Variants in PRELID2 observed in about 807,000 individuals in gnomAD.
PRELID2 encodes PRELI domain-containing protein 2.
PRELID2 carries 25 observed loss-of-function variants against 28.4 expected under a neutral mutation model. The observed-to-expected ratio is 0.88, with a 90% CI of 0.64 to 1.23. The LOEUF is 1.23. Ranked by LOEUF, PRELID2 falls within the 50% of genes most tolerant of loss-of-function variation. The pLI is 0.00. For synonymous variants in PRELID2, 76 were observed against 71.6 expected (o/e 1.06, Z -0.31); for missense variants, 201 against 214.4 (o/e 0.94, Z 0.39).
chr5:145,305,855 C>A, the PRELID2 span, among the ~76,000 whole-genome samples: 1 of 152,198 alleles, frequency 6.6e-6, no homozygotes, highest in Non-Finnish European at 1.5e-5. Flanking sequence ...AAATGCTTCC[C>A]CACATCTCTT....
intron 1 of PRELID2, among the ~76,000 whole-genome samples, chr5:145,688,424 C>T (rs901929737): frequency 3.3e-5 from 5 of 152,152 alleles, no homozygotes; most frequent in South Asian, 2.1e-4. Context: ...AGGAAGTCCT[C>T]GTCAAATATT....
chr5:145,233,686 C>G, the PRELID2 span, among the ~76,000 whole-genome samples: 1 of 152,184 alleles, frequency 6.6e-6, no homozygotes, highest in Admixed American at 6.5e-5. Flanking sequence ...ATTCAGGCCA[C>G]AGCTACCTGT....
At chr5:145,772,461 T>A (rs955048953) in intron 5 of PRELID2, among the ~76,000 whole-genome samples, 3 of 152,180 alleles carry the variant, frequency 2.0e-5, no homozygotes, top group Non-Finnish European at 2.9e-5. Context: ...TTTATTTGGT[T>A]TACAGTGCTG....
chr5:145,436,268 T>C, the PRELID2 span, among the ~76,000 whole-genome samples: 1 of 152,166 alleles, frequency 6.6e-6, no homozygotes, highest in Non-Finnish European at 1.5e-5. Context: ...CATGATCTTA[T>C]TGTTATTTAT....
chr5:145,369,679 T>C, the PRELID2 span, among the ~76,000 whole-genome samples: 4 of 152,118 alleles, frequency 2.6e-5, no homozygotes, highest in South Asian at 8.3e-4. Flanking sequence ...TGATTCTAGA[T>C]CCTTGAGGAA....
intron 1 of PRELID2, among the ~76,000 whole-genome samples, chr5:145,681,771 T>A (rs1754940813): frequency 1.3e-5 from 2 of 152,152 alleles, no homozygotes. Context: ...CCAGTAGCAA[T>A]AGTGCATCCA....
At chr5:145,289,193 G>T in the PRELID2 span, among the ~76,000 whole-genome samples, 360 of 151,826 alleles carry the variant, frequency 2.4e-3, 1 homozygote, top group African/African-American at 8.5e-3. Flanking sequence ...AAGTCCTATG[G>T]GTTTTAACAA....
At chr5:145,775,503 C>G (rs1758355631) in intron 5 of PRELID2, among the ~76,000 whole-genome samples, 1 of 152,148 alleles carries the variant, frequency 6.6e-6, no homozygotes, top group African/African-American at 2.4e-5. Context: ...AGCACCTCCC[C>G]ATGTATGCAA....
chr5:145,432,267 CT>C, the PRELID2 span, among the ~76,000 whole-genome samples: 1 of 151,818 alleles, frequency 6.6e-6, no homozygotes, highest in African/African-American at 2.4e-5. Context: ...ATTGACCTTC[CT>C]TTTGGCTGTT....
intron 1 of PRELID2, among the ~76,000 whole-genome samples, chr5:145,517,290 A>AG (rs1447383438): frequency 1.3e-5 from 2 of 151,650 alleles, no homozygotes; most frequent in Non-Finnish European, 2.9e-5. Context: ...GAAATTTACG[A>AG]GAAAAAAAAA....
At chr5:145,447,244 A>G in the PRELID2 span, among the ~76,000 whole-genome samples, 1 of 151,902 alleles carries the variant, frequency 6.6e-6, no homozygotes, top group South Asian at 2.1e-4. Context: ...AGATGTTTTT[A>G]TAACAGTCAA....
the PRELID2 span, among the ~76,000 whole-genome samples, chr5:145,363,059 C>CAA: frequency 2.2e-3 from 136 of 60,690 alleles, no homozygotes; most frequent in African/African-American, 7.8e-3. Flanking sequence ...ATTAGTTTTT[C>CAA]AAAAAAAAAA....
intron 1 of PRELID2, among the ~76,000 whole-genome samples, chr5:145,747,602 G>A (rs1757024915): frequency 6.6e-6 from 1 of 151,628 alleles, no homozygotes; most frequent in African/African-American, 2.4e-5. Context: ...GAGGTACAAA[G>A]AGGAGCTGGT....
At chr5:145,296,901 G>A in the PRELID2 span, among the ~76,000 whole-genome samples, 1 of 152,140 alleles carries the variant, frequency 6.6e-6, no homozygotes, top group Non-Finnish European at 1.5e-5. Flanking sequence ...GTGTGAGGTG[G>A]TATCTCATTG....
At chr5:145,740,703 AAATAT>A (rs1156739488) in intron 1 of PRELID2, among the ~76,000 whole-genome samples, 2 of 120,108 alleles carry the variant, frequency 1.7e-5, no homozygotes, top group African/African-American at 6.5e-5. Flanking sequence ...TATTTATATT[AAATAT>A]AATATAAATA....
chr5:145,231,489 T>C, the PRELID2 span, among the ~76,000 whole-genome samples: 1 of 152,218 alleles, frequency 6.6e-6, no homozygotes, highest in African/African-American at 2.4e-5. Context: ...ACTATGGTTA[T>C]TTTTAAGGCT....
At chr5:145,539,317 T>C (rs1752728110) in intron 1 of PRELID2, among the ~76,000 whole-genome samples, 1 of 152,090 alleles carries the variant, frequency 6.6e-6, no homozygotes, top group African/African-American at 2.4e-5. Flanking sequence ...TCCCCAAATG[T>C]GTGCAACACG....
chr5:145,650,531 CATATATATATATATATAT>C (rs56324486), intron 1 of PRELID2, among the ~76,000 whole-genome samples: 1,843 of 68,736 alleles, frequency 0.027, 26 homozygotes, highest in Non-Finnish European at 0.039. Flanking sequence ...CACATATATA[CATATATATATATATATAT>C]ATATATATAT....
At chr5:145,795,545 A>G (rs1752681689) in intron 5 of PRELID2, 1 of 152,156 alleles carries the variant, frequency 6.6e-6, no homozygotes, top group Non-Finnish European at 1.5e-5. Flanking sequence ...ATTGCCAGGA[A>G]GTCTCTGAGG....
Sources: allele counts gnomAD v4.1 joint callset (sites outside exome capture counted in the v4.1 genomes callset), GRCh38; gene constraint gnomAD v4.1.1; transcripts MANE v1.5; gene names NCBI Gene and HGNC (gene_info 2026-07-23, HGNC 2026-07-21).